The following CSMD1 variants were observed in gnomAD, a reference collection of about 807,000 sequenced individuals.
CSMD1 encodes CUB and Sushi multiple domains 1, also known as CUB and sushi domain-containing protein 1.
In CSMD1, 213 loss-of-function variants were observed where a neutral mutation model predicts 417.5. That is an observed-to-expected ratio of 0.51 (90% CI 0.46 to 0.57). The LOEUF (loss-of-function observed/expected upper bound fraction) is 0.57. CSMD1 is among the 20% of genes least tolerant of loss of function. CSMD1 has a pLI of 0.00. For missense variants in CSMD1, 6,923 were observed against 4,529.7 expected (o/e 1.53, Z -15.17); for synonymous variants, 2,862 against 1,736.8 (o/e 1.65, Z -16.11).
intron 10 of CSMD1, among the ~76,000 whole-genome samples, chr8:3,534,329 C>T (rs142800583): frequency 8.1e-4 from 123 of 152,076 alleles, no homozygotes; most frequent in African/African-American, 2.9e-3. Flanking sequence ...TCCTTGGAGA[C>T]CTGTTTTCCA....
chr8:4,011,991 C>CTGT (rs1816576074), intron 4 of CSMD1, among the ~76,000 whole-genome samples: 1 of 151,460 alleles, frequency 6.6e-6, no homozygotes. Context: ...ACAGAAATGG[C>CTGT]TGTTATACTG....
chr8:4,259,741 A>C (rs138032787), intron 3 of CSMD1, among the ~76,000 whole-genome samples: 2 of 152,108 alleles, frequency 1.3e-5, no homozygotes, highest in East Asian at 3.9e-4. Context: ...ACACATACAC[A>C]TGTATTTCAT....
rs374361983 is a variant in CSMD1 at position 3,018,435 on chromosome 8, T to C, written c.8029+42A>G. 7 of 1,583,096 alleles carry C rather than the reference T, an allele frequency of 4.4e-6. No individual in the cohort carries two copies. In the African/African-American group the frequency reaches 9.4e-5, roughly 21 times the overall value. On this transcript the variant is annotated intron_variant, in intron 52 of 69. Coordinates refer to ENST00000635120, the MANE Select transcript of CSMD1 (RefSeq NM_033225.6). ...ACACAGCTGTAATCTATTTCTAAGGTTTATCTGCATTAAGTAAGTGCCAGA... is the reference window on the plus strand; with the variant it reads ...ACACAGCTGTAATCTATTTCTAAGGCTTATCTGCATTAAGTAAGTGCCAGA...
chr8:2,972,081 T>A (rs1445487056), intron 57 of CSMD1, among the ~76,000 whole-genome samples: 1 of 152,184 alleles, frequency 6.6e-6, no homozygotes, highest in East Asian at 1.9e-4. Flanking sequence ...TGCACAAACA[T>A]TCCTATATTA....
chr8:3,759,340 T>A (rs114808064), intron 5 of CSMD1, among the ~76,000 whole-genome samples: 1 of 152,078 alleles, frequency 6.6e-6, no homozygotes, highest in African/African-American at 2.4e-5. Context: ...TATGGTACAA[T>A]GTGACACAAT....
Position 4,753,472 on chromosome 8 carries a change from A to T in CSMD1, c.86-115914T>A, listed in dbSNP as rs551095579. Reference sequence around the variant, plus strand: ...ATGCGCACACACTCCTTTGTGTCTTATGAATTTTCCCCTCCATTCTTCTTT... The same window carrying T: ...ATGCGCACACACTCCTTTGTGTCTTTTGAATTTTCCCCTCCATTCTTCTTT... On this transcript the variant is annotated intron_variant, in intron 1 of 69. Transcript: ENST00000635120. Among the ~76,000 whole-genome samples the T allele has an allele frequency of 2.6e-5, 4 of 151,270 alleles. No homozygotes were observed. The East Asian group carries it at 5.8e-4, about 22-fold the overall frequency.
At chr8:4,321,108 C>T (rs943058893) in intron 3 of CSMD1, among the ~76,000 whole-genome samples, 3 of 152,092 alleles carry the variant, frequency 2.0e-5, no homozygotes, top group Non-Finnish European at 4.4e-5. Context: ...TGTCTAGACT[C>T]TAGTCTAAAT....
intron 1 of CSMD1, among the ~76,000 whole-genome samples, chr8:4,977,088 T>C (rs1182270519): frequency 1.3e-5 from 2 of 152,216 alleles, no homozygotes; most frequent in East Asian, 3.8e-4. Flanking sequence ...TATTGGCGTT[T>C]CTCTCAAGAT....
At chr8:4,699,054 G>GA (rs1324971038) in intron 1 of CSMD1, among the ~76,000 whole-genome samples, 1 of 152,034 alleles carries the variant, frequency 6.6e-6, no homozygotes, top group East Asian at 1.9e-4. Flanking sequence ...ACAGTTTTGG[G>GA]AAAAAATGTG....
chr8:4,132,147 G>T (rs1174830627), intron 3 of CSMD1, among the ~76,000 whole-genome samples: 2 of 150,894 alleles, frequency 1.3e-5, no homozygotes, highest in African/African-American at 4.9e-5. Flanking sequence ...CATTTCTACA[G>T]ATCAGCTGTT....
intron 41 of CSMD1, among the ~76,000 whole-genome samples, chr8:3,139,190 C>A (rs1474510864): frequency 1.3e-5 from 2 of 152,180 alleles, no homozygotes; most frequent in Non-Finnish European, 2.9e-5. Context: ...TTGCAGAAGA[C>A]TTGAGCTGGA....
intron 2 of CSMD1, among the ~76,000 whole-genome samples, chr8:4,451,297 T>C (rs981846266): frequency 3.6e-4 from 55 of 152,022 alleles, no homozygotes; most frequent in Admixed American, 9.8e-4. Flanking sequence ...CATGACTCCA[T>C]CAATCAACCA....
At chr8:3,922,606 G>T (rs968289233) in intron 5 of CSMD1, among the ~76,000 whole-genome samples, 1 of 152,110 alleles carries the variant, frequency 6.6e-6, no homozygotes, top group African/African-American at 2.4e-5. Flanking sequence ...TCTGGTTAAA[G>T]CAGTCTATTT....
At chr8:4,674,178 G>T (rs1274201619) in intron 1 of CSMD1, among the ~76,000 whole-genome samples, 1 of 152,116 alleles carries the variant, frequency 6.6e-6, no homozygotes, top group African/African-American at 2.4e-5. Flanking sequence ...TCGATCTAAT[G>T]GTCAGACCTC....
intron 1 of CSMD1, among the ~76,000 whole-genome samples, chr8:4,840,685 C>T (rs1006332374): frequency 6.6e-6 from 1 of 152,212 alleles, no homozygotes; most frequent in African/African-American, 2.4e-5. Context: ...TGTTATTACT[C>T]AGTGCCTGCA....
At chr8:4,471,012 G>A (rs990170186) in intron 2 of CSMD1, among the ~76,000 whole-genome samples, 1 of 152,024 alleles carries the variant, frequency 6.6e-6, no homozygotes, top group Non-Finnish European at 1.5e-5. Flanking sequence ...TTATGTACGA[G>A]GATTCTATGA....
At chr8:4,053,645 G>A (rs77225983) in intron 3 of CSMD1, among the ~76,000 whole-genome samples, 2,312 of 152,096 alleles carry the variant, frequency 0.015, 56 homozygotes, top group East Asian at 0.089. Flanking sequence ...TGCATAGAGT[G>A]TCATATACAT....
chr8:4,767,632 T>G (rs1056845651), intron 1 of CSMD1, among the ~76,000 whole-genome samples: 1 of 152,222 alleles, frequency 6.6e-6, no homozygotes, highest in Non-Finnish European at 1.5e-5. Flanking sequence ...TACTTTAAGC[T>G]TCTTCGTCTT....
chr8:3,672,058 CATCTT>C (rs113819185), intron 7 of CSMD1, among the ~76,000 whole-genome samples: 1 of 152,162 alleles, frequency 6.6e-6, no homozygotes, highest in African/African-American at 2.4e-5. Flanking sequence ...ACAAAGTCAA[CATCTT>C]ATCTTACTTT....
Sources: allele counts gnomAD v4.1 joint callset (sites outside exome capture counted in the v4.1 genomes callset), GRCh38; gene constraint gnomAD v4.1.1; transcripts MANE v1.5; gene names NCBI Gene and HGNC (gene_info 2026-07-23, HGNC 2026-07-21).